Variants in USP46 observed in about 807,000 individuals in gnomAD.
The protein encoded by USP46 is ubiquitin specific peptidase 46.
In USP46, 12 loss-of-function variants were observed where a neutral mutation model predicts 44.4. The observed-to-expected ratio is 0.27, with a 90% confidence interval of 0.17 to 0.44. The LOEUF (loss-of-function observed/expected upper bound fraction) is 0.44, where lower values mean the gene tolerates loss of function less well. Among genes scored for constraint, USP46 ranks in the 20% least tolerant of loss-of-function variants. USP46 has a pLI of 1.00. For missense variants in USP46, 248 were observed against 444.8 expected (o/e 0.56, Z 3.98); for synonymous variants, 155 against 161.5 (o/e 0.96, Z 0.31).
At chr4:52,618,986 G>A (rs1485735277) in intron 4 of USP46, among the ~76,000 whole-genome samples, 5 of 152,048 alleles carry the variant, frequency 3.3e-5, no homozygotes, top group Non-Finnish European at 5.9e-5. Context: ...TCAGAGATTT[G>A]TAGAGCAAAA....
chr4:52,643,759 G>A (rs1350884399), intron 1 of USP46, among the ~76,000 whole-genome samples: 1 of 152,126 alleles, frequency 6.6e-6, no homozygotes, highest in Non-Finnish European at 1.5e-5. Flanking sequence ...GCCACCCCAA[G>A]GCAGATTACT....
At chr4:52,632,227 T>G (rs969725380) in intron 1 of USP46, among the ~76,000 whole-genome samples, 10 of 152,158 alleles carry the variant, frequency 6.6e-5, no homozygotes, top group Non-Finnish European at 1.0e-4. Context: ...CATAAGCAAA[T>G]GCTGTGCAGA....
At chr4:52,649,791 A>G (rs1055955365) in intron 1 of USP46, among the ~76,000 whole-genome samples, 1 of 152,244 alleles carries the variant, frequency 6.6e-6, no homozygotes, top group African/African-American at 2.4e-5. Context: ...TCAACACTGA[A>G]TAATACAAAT....
intron 2 of USP46, among the ~76,000 whole-genome samples, chr4:52,630,736 CAAAAAA>C (rs10566870): frequency 2.2e-5 from 2 of 92,290 alleles, no homozygotes; most frequent in Non-Finnish European, 2.2e-5. Flanking sequence ...GACTCTGTCT[CAAAAAA>C]AAAAAAAAAA....
chr4:52,657,628 G>A (rs1296206019), intron 1 of USP46, among the ~76,000 whole-genome samples: 1 of 152,140 alleles, frequency 6.6e-6, no homozygotes, highest in East Asian at 1.9e-4. Flanking sequence ...AACTGAGAAG[G>A]CATCACCTCT....
rs1240334431 is a variant in USP46, at chr4:52,659,258, G to A, written c.-108C>T. 1 of 1,335,666 alleles carries A rather than the reference G, an allele frequency of 7.5e-7. No individual in the cohort carries two copies. Among genetic ancestry groups the A allele is most frequent in the Non-Finnish European group, 9.9e-7 (1 of 1,006,552 alleles). 82.7% of individuals were successfully genotyped at this position (1,335,666 alleles called of 1,614,324 possible). A position where few individuals can be genotyped will look rare whatever the true frequency, so the allele number is the denominator to read the frequency against. ...GGCCGGGCGGCAGCGCGGCGGCCTG[G>A]GGTCCGGCTTTCAGTTTGGCTGGGA... On this transcript the variant is annotated 5_prime_UTR_variant, in exon 1 of 9. Transcript: ENST00000441222. This position sits in a 1 kb window ranked among gnomAD's most constrained non-coding sequence, Gnocchi z 4.2.
intron 4 of USP46, among the ~76,000 whole-genome samples, chr4:52,624,365 A>ACTC (rs1466117618): frequency 6.6e-6 from 1 of 152,152 alleles, no homozygotes; most frequent in African/African-American, 2.4e-5. Flanking sequence ...GACAGGATAT[A>ACTC]TTTTTAAATG....
chr4:52,619,509 C>A (rs1164404200), intron 4 of USP46, among the ~76,000 whole-genome samples: 1 of 152,128 alleles, frequency 6.6e-6, no homozygotes, highest in African/African-American at 2.4e-5. Flanking sequence ...ACTGAAGCAC[C>A]ATCTAAAGGC....
At chr4:52,645,559 T>C (rs1472719881) in intron 1 of USP46, among the ~76,000 whole-genome samples, 9 of 152,174 alleles carry the variant, frequency 5.9e-5, no homozygotes, top group Non-Finnish European at 1.3e-4. Context: ...CTCAGTGAGC[T>C]AGAAGCAAGA....
At chr4:52,657,385 G>A (rs1560416897) in intron 1 of USP46, among the ~76,000 whole-genome samples, 1 of 152,124 alleles carries the variant, frequency 6.6e-6, no homozygotes, top group Non-Finnish European at 1.5e-5. Flanking sequence ...GGACGCGTGG[G>A]GGGAGGTTGG....
At chr4:52,640,891 C>T (rs1409390777) in intron 1 of USP46, among the ~76,000 whole-genome samples, 1 of 149,610 alleles carries the variant, frequency 6.7e-6, no homozygotes, top group Non-Finnish European at 1.5e-5. Flanking sequence ...TTGCCTAAGG[C>T]CCTCGGCAAA....
chr4:52,650,069 C>T (rs890913066), intron 1 of USP46, among the ~76,000 whole-genome samples: 6 of 152,260 alleles, frequency 3.9e-5, no homozygotes, highest in East Asian at 1.9e-4. Context: ...TGCAGATGGG[C>T]GCATCCTAAA....
chr4:52,623,587 AAAG>A (rs1222498875), intron 4 of USP46, among the ~76,000 whole-genome samples: 2 of 152,198 alleles, frequency 1.3e-5, no homozygotes, highest in Non-Finnish European at 2.9e-5. Flanking sequence ...CATTGATCCA[AAAG>A]AAGAGAGAAA....
chr4:52,599,139 T>C (rs1292989116), intron 7 of USP46, among the ~76,000 whole-genome samples: 2 of 151,752 alleles, frequency 1.3e-5, no homozygotes, highest in South Asian at 2.1e-4. Context: ...TGGAGAAGGA[T>C]GAAGCAGGGT....
At chr4:52,656,213 G>T in intron 1 of USP46, 1 of 1,414,762 alleles carries the variant, frequency 7.1e-7, no homozygotes, top group Non-Finnish European at 9.8e-7. Flanking sequence ...CAAACCAGCT[G>T]GGACCAAAGT....
chr4:52,628,005 C>T lies in USP46; in HGVS notation c.276G>A (p.Lys92=), dbSNP rs1264292965. ...TCTTTGGTGGGATGACGCCAACCTT[C>T]TTCTTCTGTGTGGCAATGCTGTGGA... ...DLFHSIATQK[K]KVGVIPPKKF... The change falls in exon 3 of 9, where the codon AAG becomes AAA. Residue 92 remains lysine (K), a synonymous_variant. Transcript: ENST00000441222. The T allele has an allele frequency of 1.2e-6, 2 of 1,613,926 alleles. No homozygotes were observed. The highest frequency in any genetic ancestry group is 1.7e-6 in the Non-Finnish European group (2 of 1,179,858).
chr4:52,618,889 G>C (rs2109619224), intron 4 of USP46, among the ~76,000 whole-genome samples: 1 of 152,250 alleles, frequency 6.6e-6, no homozygotes, highest in Non-Finnish European at 1.5e-5. Context: ...CTGTAAAATT[G>C]GTACTTAATA....
At chr4:52,621,538 C>T (rs1305925898) in intron 4 of USP46, among the ~76,000 whole-genome samples, 1 of 152,086 alleles carries the variant, frequency 6.6e-6, no homozygotes, top group East Asian at 1.9e-4. Flanking sequence ...CACCTGTAAT[C>T]CAGGCTACTC....
At chr4:52,630,307 C>T (rs1258873003) in intron 2 of USP46, among the ~76,000 whole-genome samples, 1 of 152,216 alleles carries the variant, frequency 6.6e-6, no homozygotes, top group Non-Finnish European at 1.5e-5. Context: ...TCTCTCCCAA[C>T]CTGTCCTGCT....
Sources: allele counts gnomAD v4.1 joint callset (sites outside exome capture counted in the v4.1 genomes callset), GRCh38; gene constraint gnomAD v4.1.1; non-coding constraint Gnocchi (gnomAD v3.1); transcripts MANE v1.5; gene names NCBI Gene and HGNC (gene_info 2026-07-23, HGNC 2026-07-21).